TRAP1: variants seen among roughly 807,000 people sequenced by gnomAD.
The protein encoded by TRAP1 is heat shock protein 75 kDa, mitochondrial.
TRAP1 carries 102 observed loss-of-function variants against 89.1 expected under a neutral mutation model. The observed-to-expected ratio is 1.15, with a 90% confidence interval of 0.98 to 1.35. The LOEUF (loss-of-function observed/expected upper bound fraction) is 1.35. Ranked by LOEUF, TRAP1 falls within the 40% of genes most tolerant of loss-of-function variation. The probability of loss-of-function intolerance (pLI) is 0.00; values close to 1 mark genes in which losing one functional copy is unlikely to be tolerated. For missense variants in TRAP1, 1,256 were observed against 945.3 expected (o/e 1.33, Z -4.31); for synonymous variants, 508 against 388.0 (o/e 1.31, Z -3.64).
intron 8 of TRAP1, 102 bp downstream of exon 8, chr16:3,675,222 G>A: frequency 2.6e-6 from 3 of 1,157,002 alleles, no homozygotes; most frequent in Non-Finnish European, 3.8e-6. Flanking sequence ...CTCGCCCTGT[G>A]ACTCTGGGCC....
rs373884866 is a variant in TRAP1 at position 3,662,853 on chromosome 16, G to A, written c.1794+29C>T. 6.8e-6 allele frequency: 11 copies of A among 1,610,284 alleles called. No individual in the cohort carries two copies. The African/African-American group carries it at 1.5e-4, about 21-fold the overall frequency. On this transcript the variant is annotated intron_variant, in intron 15 of 17. Transcript: ENST00000246957. ...AGCCTGTTAGGGACACTGCGGCCAA[G>A]TGGTGGTCCATCCCCGGGAAAGCCT... is the stretch of plus-strand genomic sequence containing the variant.
chr16:3,662,175 T>C (rs1463879631), intron 15 of TRAP1, 43 bp from the exon 16 acceptor site: 1 of 1,584,978 alleles, frequency 6.3e-7, no homozygotes, highest in Admixed American at 1.7e-5. Flanking sequence ...AGGTTCCCAA[T>C]GTGAGAGGGC....
At chr16:3,669,455 G>A (rs1455653858) in intron 11 of TRAP1, among the ~76,000 whole-genome samples, 2 of 152,116 alleles carry the variant, frequency 1.3e-5, no homozygotes, top group Non-Finnish European at 2.9e-5. Flanking sequence ...AGTCAGCAAG[G>A]AAAATACCTT....
chr16:3,683,634 C>A (rs1261071482), intron 4 of TRAP1, among the ~76,000 whole-genome samples: 3 of 151,770 alleles, frequency 2.0e-5, no homozygotes, highest in Admixed American at 1.3e-4. Context: ...GATCCGCCCA[C>A]CTTGGCCTCT....
intron 1 of TRAP1, among the ~76,000 whole-genome samples, chr16:3,712,724 C>T (rs762547191): frequency 3.3e-5 from 5 of 152,188 alleles, no homozygotes; most frequent in Non-Finnish European, 5.9e-5. Context: ...AAGCAATTCT[C>T]GTGCCTCAGC....
intron 1 of TRAP1, among the ~76,000 whole-genome samples, chr16:3,696,927 A>G (rs1002714737): frequency 1.3e-5 from 2 of 150,990 alleles, no homozygotes; most frequent in South Asian, 2.1e-4. Context: ...GGGATTCACC[A>G]TGTTGCCCAG....
At chr16:3,716,997 G>C (rs935883626) in intron 1 of TRAP1, among the ~76,000 whole-genome samples, 2 of 152,214 alleles carry the variant, frequency 1.3e-5, no homozygotes, top group African/African-American at 4.8e-5. Context: ...AGGCGGGGAG[G>C]GGTAAAGCAC....
intron 1 of TRAP1, among the ~76,000 whole-genome samples, chr16:3,693,282 C>T (rs1462241458): frequency 1.3e-5 from 2 of 152,044 alleles, no homozygotes; most frequent in Non-Finnish European, 2.9e-5. Flanking sequence ...ATGCAGATAC[C>T]TTAAAAACAT....
intron 1 of TRAP1, among the ~76,000 whole-genome samples, chr16:3,702,562 G>C (rs1034710475): frequency 6.6e-6 from 1 of 151,712 alleles, no homozygotes; most frequent in Admixed American, 6.6e-5. Flanking sequence ...GGGCAAACTG[G>C]TGAAACCCCG....
At chr16:3,707,397 G>A (rs1032669985) in intron 1 of TRAP1, among the ~76,000 whole-genome samples, 6 of 150,806 alleles carry the variant, frequency 4.0e-5, no homozygotes, top group African/African-American at 1.5e-4. Context: ...ATGTTGGCCA[G>A]GATGGTCTCA....
At chr16:3,702,136 T>TA (rs2051374362) in intron 1 of TRAP1, among the ~76,000 whole-genome samples, 1 of 149,220 alleles carries the variant, frequency 6.7e-6, no homozygotes, top group Admixed American at 6.6e-5. Context: ...CGGGGGAAAA[T>TA]ATGAGGCTGT....
intron 15 of TRAP1, 70 bp from the exon 16 acceptor site, chr16:3,662,202 G>A: frequency 1.3e-6 from 2 of 1,552,396 alleles, no homozygotes; most frequent in Non-Finnish European, 1.7e-6. Context: ...GATCTTACCA[G>A]GGGTGAAGGT....
chr16:3,685,861 C>A lies in TRAP1; in HGVS notation c.471+135G>T. 4.1e-6 allele frequency: 5 copies of A among 1,205,044 alleles called. No homozygotes were observed. In the South Asian group the frequency reaches 5.0e-5, roughly 12 times the overall value. 74.6% of individuals were successfully genotyped at this position (1,205,044 alleles called of 1,614,324 possible). A position where few individuals can be genotyped will look rare whatever the true frequency, so the allele number is the denominator to read the frequency against. Reference sequence around the variant, plus strand: ...ATAATGAATGAGTGCTACTGTAACACTAAATTATAGCCAGAGTTATCCTGG... The same window carrying A: ...ATAATGAATGAGTGCTACTGTAACAATAAATTATAGCCAGAGTTATCCTGG... On this transcript the variant is annotated intron_variant, in intron 4 of 17. Transcript: ENST00000246957.
intron 1 of TRAP1, among the ~76,000 whole-genome samples, chr16:3,694,899 A>G (rs1364864319): frequency 6.6e-6 from 1 of 152,134 alleles, no homozygotes; most frequent in African/African-American, 2.4e-5. Context: ...GAAGTCCAAG[A>G]TCAAGGTGCC....
chr16:3,679,861 C>A, intron 4 of TRAP1, 71 bp from the exon 5 acceptor site: 4 of 1,492,324 alleles, frequency 2.7e-6, no homozygotes, highest in Non-Finnish European at 3.7e-6. Flanking sequence ...CCAGCAGTCC[C>A]AGGGACTCAA....
At chr16:3,674,879 C>G in intron 8 of TRAP1, 1 of 329,166 alleles carries the variant, frequency 3.0e-6, no homozygotes, top group Non-Finnish European at 5.7e-6. Context: ...GGACAGCATG[C>G]CGTGTGACTC....
intron 1 of TRAP1, among the ~76,000 whole-genome samples, chr16:3,707,977 G>A (rs1176919681): frequency 6.6e-6 from 1 of 152,074 alleles, no homozygotes; most frequent in Non-Finnish European, 1.5e-5. Context: ...TTGAGACCAG[G>A]AGTTCAAGAC....
chr16:3,663,803 G>C (rs2050752142), intron 13 of TRAP1: 1 of 537,792 alleles, frequency 1.9e-6, no homozygotes, highest in South Asian at 2.2e-5. Context: ...GCTGAGTGCA[G>C]TGGCTCACGC....
At chr16:3,672,934 C>A in intron 9 of TRAP1, 114 bp from the exon 10 acceptor site, 1 of 1,415,722 alleles carries the variant, frequency 7.1e-7, no homozygotes, top group East Asian at 2.5e-5. Context: ...CTCGCCCTCC[C>A]CCAGCGTCTG....
Sources: gnomAD v4.1 joint callset for allele counts (sites outside exome capture counted in the v4.1 genomes callset) on GRCh38, gnomAD v4.1.1 for gene constraint, MANE v1.5 for transcripts, NCBI Gene and HGNC (gene_info 2026-07-23, HGNC 2026-07-21) for gene names.